The following PPARGC1A variants were observed in gnomAD, a reference collection of about 807,000 sequenced individuals.
The protein encoded by PPARGC1A is peroxisome proliferator-activated receptor gamma coactivator 1-alpha.
PPARGC1A carries 25 observed loss-of-function variants against 88.7 expected under a neutral mutation model. The ratio of observed to expected loss-of-function variants is 0.28; its 90% CI spans 0.21 to 0.39. The LOEUF (loss-of-function observed/expected upper bound fraction) is 0.39, where lower values mean the gene tolerates loss of function less well. Ranked by LOEUF, PPARGC1A falls within the 10% of genes least tolerant of loss-of-function variation. The pLI is 1.00. For synonymous variants in PPARGC1A, 363 were observed against 355.6 expected, an observed-to-expected ratio of 1.02 and a Z score of -0.24; for missense variants, 880 against 968.7, an observed-to-expected ratio of 0.91 and a Z score of 1.22.
the PPARGC1A span, among the ~76,000 whole-genome samples, chr4:24,341,530 T>G: frequency 2.0e-5 from 3 of 152,096 alleles, no homozygotes; most frequent in Admixed American, 2.0e-4. Flanking sequence ...GAACAAACTG[T>G]GCAAATGTTT....
the PPARGC1A span, among the ~76,000 whole-genome samples, chr4:24,426,528 A>G: frequency 4.6e-5 from 7 of 152,222 alleles, no homozygotes; most frequent in African/African-American, 1.7e-4. Flanking sequence ...CAGCTACTCA[A>G]TAAAAAGGAA....
chr4:24,071,746 C>T, the PPARGC1A span, among the ~76,000 whole-genome samples: 1 of 152,138 alleles, frequency 6.6e-6, no homozygotes, highest in African/African-American at 2.4e-5. Context: ...GGCATCAGAC[C>T]CAAGTTTTAC....
the PPARGC1A span, among the ~76,000 whole-genome samples, chr4:24,321,249 C>T: frequency 6.6e-6 from 1 of 152,162 alleles, no homozygotes; most frequent in Non-Finnish European, 1.5e-5. Flanking sequence ...CACCCAACAC[C>T]TGGCTTTTAA....
chr4:24,126,363 G>A, the PPARGC1A span, among the ~76,000 whole-genome samples: 3 of 151,690 alleles, frequency 2.0e-5, no homozygotes, highest in South Asian at 2.1e-4. Context: ...AATCAGTAAT[G>A]CCCTTTGCAG....
At chr4:23,960,957 A>G in the PPARGC1A span, among the ~76,000 whole-genome samples, 7 of 152,186 alleles carry the variant, frequency 4.6e-5, no homozygotes, top group Admixed American at 4.6e-4. Context: ...GAAATGATCT[A>G]TAAATAATTG....
At chr4:24,422,256 T>C in the PPARGC1A span, among the ~76,000 whole-genome samples, 5 of 152,242 alleles carry the variant, frequency 3.3e-5, no homozygotes, top group African/African-American at 1.2e-4. Flanking sequence ...CCTATAATAT[T>C]AACCTTCTGG....
chr4:24,194,630 G>GCGCGCGCACACACA, the PPARGC1A span, among the ~76,000 whole-genome samples: 1 of 48,610 alleles, frequency 2.1e-5, no homozygotes, highest in Admixed American at 3.0e-4. Flanking sequence ...GCACGCGCGC[G>GCGCGCGCACACACA]CACACACACA....
At chr4:24,072,536 T>C in the PPARGC1A span, among the ~76,000 whole-genome samples, 3 of 152,096 alleles carry the variant, frequency 2.0e-5, no homozygotes, top group East Asian at 1.9e-4. Flanking sequence ...AACCAGGCAG[T>C]TGGAAAGTTT....
the PPARGC1A span, among the ~76,000 whole-genome samples, chr4:24,388,824 T>TG: frequency 2.2e-5 from 3 of 138,636 alleles, no homozygotes; most frequent in East Asian, 6.4e-4. Flanking sequence ...TGTTGGAGGG[T>TG]GGGGGGCTAG....
chr4:23,976,995 AGAG>A, the PPARGC1A span, among the ~76,000 whole-genome samples: 1 of 151,882 alleles, frequency 6.6e-6, no homozygotes, highest in South Asian at 2.1e-4. Context: ...AGGAAGAGGG[AGAG>A]GAGAAGGAAA....
intron 1 of PPARGC1A, chr4:23,889,514 C>A (rs987898706): frequency 5.3e-5 from 22 of 415,346 alleles, no homozygotes; most frequent in African/African-American, 4.8e-4. Flanking sequence ...ATATTTTTAT[C>A]TTCGTCTTAT....
chr4:23,892,948 A>T (rs1718067836), upstream of PPARGC1A, among the ~76,000 whole-genome samples: 1 of 152,162 alleles, frequency 6.6e-6, no homozygotes, highest in East Asian at 1.9e-4. Context: ...CCCTGGTGAG[A>T]TACAAGTTCC....
chr4:23,907,997 A>C (rs1477484615), upstream of PPARGC1A, among the ~76,000 whole-genome samples: 1 of 152,232 alleles, frequency 6.6e-6, no homozygotes, highest in Non-Finnish European at 1.5e-5. Flanking sequence ...ATCAATGTGT[A>C]AGAGAGGCAT....
the PPARGC1A span, among the ~76,000 whole-genome samples, chr4:23,994,860 T>C: frequency 6.6e-6 from 1 of 152,036 alleles, no homozygotes; most frequent in South Asian, 2.1e-4. Context: ...AAGATGACAA[T>C]AGAAGCAAAG....
chr4:24,066,047 T>C, the PPARGC1A span, among the ~76,000 whole-genome samples: 2 of 151,462 alleles, frequency 1.3e-5, no homozygotes, highest in African/African-American at 4.8e-5. Context: ...TTCCACAAAA[T>C]CTCATGCTTC....
At chr4:23,925,720 G>A in the PPARGC1A span, among the ~76,000 whole-genome samples, 2 of 152,118 alleles carry the variant, frequency 1.3e-5, no homozygotes, top group African/African-American at 2.4e-5. Flanking sequence ...ATGTGAGGAG[G>A]TATAGCAGAA....
the PPARGC1A span, among the ~76,000 whole-genome samples, chr4:24,013,022 T>G: frequency 6.6e-6 from 1 of 152,128 alleles, no homozygotes; most frequent in Admixed American, 6.6e-5. Context: ...ACAATTAATC[T>G]TATTAGAAAA....
chr4:24,020,606 T>C, the PPARGC1A span, among the ~76,000 whole-genome samples: 1 of 152,182 alleles, frequency 6.6e-6, no homozygotes, highest in African/African-American at 2.4e-5. Context: ...TCCCCTTATC[T>C]TTCCAAAGAG....
intron 2 of PPARGC1A, among the ~76,000 whole-genome samples, chr4:23,835,308 G>A (rs1017662554): frequency 3.9e-5 from 6 of 152,182 alleles, no homozygotes; most frequent in African/African-American, 1.4e-4. Context: ...ATAAGTCTGG[G>A]AGAATGTATA....
Sources: gnomAD v4.1 joint callset for allele counts (sites outside exome capture counted in the v4.1 genomes callset) on GRCh38, gnomAD v4.1.1 for gene constraint, MANE v1.5 for transcripts, NCBI Gene and HGNC (gene_info 2026-07-23, HGNC 2026-07-21) for gene names.